The following ACTR3C variants were observed in gnomAD, a reference collection of about 807,000 sequenced individuals.
ACTR3C encodes actin related protein 3C, also known as actin-related protein 3C.
Under a neutral mutation model 26.3 loss-of-function variants are expected in ACTR3C, and 18 were observed. The ratio of observed to expected loss-of-function variants is 0.68; its 90% CI spans 0.47 to 1.01. The LOEUF (loss-of-function observed/expected upper bound fraction) is 1.01, where lower values mean the gene tolerates loss of function less well. Among genes scored for constraint, ACTR3C ranks in the 50% least tolerant of loss-of-function variants. ACTR3C has a pLI of 0.00. For synonymous variants in ACTR3C, 55 were observed against 94.5 expected (o/e 0.58, Z 2.42); for missense variants, 184 against 250.7 (o/e 0.73, Z 1.80).
rs537960979 is a variant in ACTR3C at position 150,281,531 on chromosome 7, G to A, written c.564+3222C>T. On this transcript the variant is annotated intron_variant, in intron 6 of 7. Transcript: ENST00000683684. ...CGAGAGTCCGTCTGGGAGGGCTGAC[G>A]GCTTCCAGAAACCAAGTCAGCAGGA... is the stretch of plus-strand genomic sequence containing the variant. Among the ~76,000 whole-genome samples, 153 of 151,192 alleles carry A rather than the reference G, an allele frequency of 1.0e-3. No individual in the cohort carries two copies. In the South Asian group the frequency reaches 0.014, roughly 14 times the overall value.
Position 150,288,300 on chromosome 7 carries a change from G to C in ACTR3C, c.297+1150C>G, listed in dbSNP as rs545578048. ...GTTGAAGGCCCAGCATGAGGGTCAG[G>C]AAAGCCCCTCCTTGGCAGTGTTGCT... On this transcript the variant is annotated intron_variant, in intron 4 of 7. Coordinates refer to ENST00000683684, the MANE Select transcript of ACTR3C (RefSeq NM_001164458.2). 4.6e-5 allele frequency among the ~76,000 whole-genome samples: 7 copies of C among 150,574 alleles called. 1 individual carries two copies. Among genetic ancestry groups the C allele is most frequent in the African/African-American group, 1.5e-4 (6 of 40,520 alleles).
the ACTR3C span, among the ~76,000 whole-genome samples, chr7:150,006,185 A>AATTTATATATTTATTTATTTATTTATTT: frequency 7.2e-6 from 1 of 139,016 alleles, no homozygotes; most frequent in Non-Finnish European, 1.6e-5. Context: ...AATTGCACAG[A>AATTTATATATTTATTTATTTATTTATTT]ATTTATTTAT....
the ACTR3C span, among the ~76,000 whole-genome samples, chr7:150,119,895 T>C: frequency 1.3e-5 from 2 of 152,084 alleles, no homozygotes; most frequent in African/African-American, 2.4e-5. Context: ...TCTCAGACCA[T>C]GGCACAATCA....
chr7:150,192,387 C>A, the ACTR3C span, among the ~76,000 whole-genome samples: 3 of 152,060 alleles, frequency 2.0e-5, no homozygotes, highest in Admixed American at 6.5e-5. Flanking sequence ...CAGCCTTGAA[C>A]TCCTGGGCTC....
At chr7:149,970,229 C>T in the ACTR3C span, among the ~76,000 whole-genome samples, 1 of 151,192 alleles carries the variant, frequency 6.6e-6, no homozygotes, top group Admixed American at 6.6e-5. Context: ...AACCCCATTT[C>T]CAGGTGCAAA....
At chr7:150,041,842 G>A in the ACTR3C span, among the ~76,000 whole-genome samples, 1 of 142,906 alleles carries the variant, frequency 7.0e-6, no homozygotes, top group Non-Finnish European at 1.5e-5. Context: ...GGGTGGAAGA[G>A]GGGATAGCTC....
chr7:150,038,234 C>T, the ACTR3C span, among the ~76,000 whole-genome samples: 1 of 144,106 alleles, frequency 6.9e-6, no homozygotes, highest in Non-Finnish European at 1.5e-5. Flanking sequence ...CTGCCAAGGC[C>T]CTCAAATAGG....
the ACTR3C span, among the ~76,000 whole-genome samples, chr7:150,157,632 T>C: frequency 0.35 from 52,937 of 150,454 alleles, 9,068 homozygotes; most frequent in African/African-American, 0.43. Context: ...ATTTCCTGAG[T>C]TCCACCAACA....
chr7:150,180,599 G>A, the ACTR3C span, among the ~76,000 whole-genome samples: 6 of 144,000 alleles, frequency 4.2e-5, no homozygotes, highest in Admixed American at 3.4e-4. Context: ...TGCAAGCTCC[G>A]CCTCCCGGGT....
At position 150,286,507 on chromosome 7, in the gene ACTR3C, T is replaced by G; in HGVS notation, c.331A>C (p.Lys111Gln). The G allele has an allele frequency of 6.2e-7, 1 of 1,611,592 alleles. No homozygotes were observed. The highest frequency in any genetic ancestry group is 1.7e-5 in the Admixed American group (1 of 59,884). Residue 111 changes from lysine (K) to glutamine (Q), a missense_variant, in exon 5 of 8, where the codon AAG (lysine) becomes CAG (glutamine). Transcript: ENST00000683684. Reference protein sequence around the residue: ...KYCYICPDIVKEFAKYDVDPQ... With the variant: ...KYCYICPDIVQEFAKYDVDPQ... ...TCCACATCATACTTGGCAAATTCCT[T>G]GACTATATCGGGGCAAATGTAACAG...
the ACTR3C span, among the ~76,000 whole-genome samples, chr7:150,162,691 T>C: frequency 2.0e-5 from 3 of 152,206 alleles, no homozygotes; most frequent in Admixed American, 6.5e-5. Flanking sequence ...CTGACATCCA[T>C]GCTACAGGTT....
At chr7:149,919,811 A>G in the ACTR3C span, among the ~76,000 whole-genome samples, 1 of 151,752 alleles carries the variant, frequency 6.6e-6, no homozygotes, top group African/African-American at 2.4e-5. Context: ...AAGGTATACA[A>G]AGTCTGTTTT....
At chr7:150,279,719 A>C (rs1052158401) in intron 6 of ACTR3C, among the ~76,000 whole-genome samples, 3 of 152,146 alleles carry the variant, frequency 2.0e-5, no homozygotes, top group African/African-American at 7.2e-5. Flanking sequence ...CCAAGCTCTC[A>C]GACTCAGCTC....
the ACTR3C span, among the ~76,000 whole-genome samples, chr7:150,031,785 T>A: frequency 6.6e-6 from 1 of 152,200 alleles, no homozygotes; most frequent in Admixed American, 6.5e-5. Context: ...CAGTAGGGCC[T>A]GGCCTGTGCA....
downstream of ACTR3C, among the ~76,000 whole-genome samples, chr7:150,240,629 GGGTAT>G (rs1326365632): frequency 6.6e-6 from 1 of 152,018 alleles, no homozygotes; most frequent in Non-Finnish European, 1.5e-5. Flanking sequence ...AATGTGATAT[GGGTAT>G]AAAAAAATTA....
At chr7:150,001,387 G>A in the ACTR3C span, 1 of 152,264 alleles carries the variant, frequency 6.6e-6, no homozygotes, top group East Asian at 1.9e-4. Flanking sequence ...TGCGGGAAAC[G>A]TTCTTTTAAT....
the ACTR3C span, among the ~76,000 whole-genome samples, chr7:149,945,821 C>A: frequency 6.6e-6 from 1 of 152,176 alleles, no homozygotes; most frequent in Admixed American, 6.5e-5. Context: ...TTGCTATGCA[C>A]GGACAGTGGT....
chr7:150,147,120 G>C, the ACTR3C span, among the ~76,000 whole-genome samples: 5 of 152,148 alleles, frequency 3.3e-5, no homozygotes, highest in African/African-American at 4.8e-5. Context: ...TCTTTGGAAA[G>C]GAGGTTCTCC....
At chr7:150,309,605 C>A (rs147215332) in intron 1 of ACTR3C, among the ~76,000 whole-genome samples, 48 of 152,348 alleles carry the variant, frequency 3.2e-4, no homozygotes, top group Non-Finnish European at 5.3e-4. Context: ...TCCTTTAAAT[C>A]CTCCTCATGG....
Sources: allele counts gnomAD v4.1 joint callset (sites outside exome capture counted in the v4.1 genomes callset), GRCh38; gene constraint gnomAD v4.1.1; transcripts MANE v1.5; gene names NCBI Gene and HGNC (gene_info 2026-07-23, HGNC 2026-07-21).